PTPRD: variants seen among roughly 807,000 people sequenced by gnomAD.
The protein encoded by PTPRD is protein tyrosine phosphatase receptor type D.
Under a neutral mutation model 214.5 loss-of-function variants are expected in PTPRD, and 34 were observed. The observed-to-expected ratio is 0.16, with a 90% CI of 0.12 to 0.21. The LOEUF (loss-of-function observed/expected upper bound fraction) is 0.21. Ranked by LOEUF, PTPRD falls within the 10% of genes least tolerant of loss-of-function variation. The pLI is 1.00. For synonymous variants in PTPRD, 1,128 were observed against 845.7 expected, an observed-to-expected ratio of 1.33 and a Z score of -5.79; for missense variants, 2,545 against 2,398.7, an observed-to-expected ratio of 1.06 and a Z score of -1.27.
chr9:10,068,299 C>T (rs2097920704), intron 3 of PTPRD, among the ~76,000 whole-genome samples: 1 of 151,792 alleles, frequency 6.6e-6, no homozygotes, highest in African/African-American at 2.4e-5. Flanking sequence ...GGAACTTGGC[C>T]TTTTCATCAT....
rs144807160 is a variant in PTPRD, at chr9:9,332,031, C to T, written c.-203+65418G>A. Reference sequence around the variant, plus strand: ...GCTATGCTAATTACATATTTGTTCCCTCTCTGCGGAGTCTGCATGGACAGC... The same window carrying T: ...GCTATGCTAATTACATATTTGTTCCTTCTCTGCGGAGTCTGCATGGACAGC... On this transcript the variant is annotated intron_variant, in intron 9 of 45. Transcript: ENST00000381196. Among the ~76,000 whole-genome samples, 697 of 152,126 alleles carry T rather than the reference C, an allele frequency of 4.6e-3. 11 individuals are homozygous for T. The highest frequency in any genetic ancestry group is 0.016 in the African/African-American group (673 of 41,524).
intron 12 of PTPRD, among the ~76,000 whole-genome samples, chr9:8,695,959 C>A (rs2097902830): frequency 6.6e-6 from 1 of 152,182 alleles, no homozygotes; most frequent in Admixed American, 6.5e-5. Flanking sequence ...AAACCAAAAT[C>A]TAGATCAAAA....
intron 28 of PTPRD, 147 bp downstream of exon 28, chr9:8,485,615 C>A: frequency 1.4e-6 from 1 of 738,656 alleles, no homozygotes; most frequent in Non-Finnish European, 2.2e-6. Context: ...GCATCCAAGA[C>A]GTAGTAAGTT....
chr9:8,392,282 T>G (rs1262274341), intron 36 of PTPRD, among the ~76,000 whole-genome samples: 1 of 151,956 alleles, frequency 6.6e-6, no homozygotes, highest in Non-Finnish European at 1.5e-5. Context: ...TCCGACACTT[T>G]GGGGAGGCTG....
At chr9:9,653,027 T>A (rs529032989) in intron 7 of PTPRD, among the ~76,000 whole-genome samples, 1 of 152,116 alleles carries the variant, frequency 6.6e-6, no homozygotes, top group Non-Finnish European at 1.5e-5. Flanking sequence ...CCCCTATTTT[T>A]CCTTCAAATA....
At chr9:9,132,046 T>A (rs539217110) in intron 10 of PTPRD, among the ~76,000 whole-genome samples, 1 of 150,746 alleles carries the variant, frequency 6.6e-6, no homozygotes, top group East Asian at 1.9e-4. Context: ...CTGTCTCTGT[T>A]GCCCAGGCTG....
chr9:9,203,197 C>A (rs1425055286), intron 9 of PTPRD, among the ~76,000 whole-genome samples: 1 of 151,830 alleles, frequency 6.6e-6, no homozygotes, highest in Non-Finnish European at 1.5e-5. Context: ...ACCATTATAC[C>A]CCAGCCTGAG....
intron 3 of PTPRD, among the ~76,000 whole-genome samples, chr9:10,289,407 G>A (rs2095464260): frequency 6.6e-6 from 1 of 152,132 alleles, no homozygotes. Context: ...GGGGAGCACA[G>A]AGGAAAACCC....
At chr9:9,536,272 C>T (rs1187929007) in intron 8 of PTPRD, among the ~76,000 whole-genome samples, 1 of 151,978 alleles carries the variant, frequency 6.6e-6, no homozygotes, top group African/African-American at 2.4e-5. Flanking sequence ...TACCTCAGTG[C>T]TTGGCTAAAG....
At chr9:10,453,795 G>A (rs530474424) in intron 2 of PTPRD, among the ~76,000 whole-genome samples, 3 of 151,014 alleles carry the variant, frequency 2.0e-5, no homozygotes, top group African/African-American at 7.3e-5. Context: ...TTTTATTTTT[G>A]TTCTTGCCTA....
At chr9:10,325,385 TG>T (rs1032668682) in intron 3 of PTPRD, among the ~76,000 whole-genome samples, 5 of 151,998 alleles carry the variant, frequency 3.3e-5, no homozygotes, top group African/African-American at 1.2e-4. Flanking sequence ...TTTTGTTTTT[TG>T]GGGAAGATGA....
intron 4 of PTPRD, among the ~76,000 whole-genome samples, chr9:10,017,740 T>A (rs2096752087): frequency 6.6e-6 from 1 of 152,150 alleles, no homozygotes; most frequent in African/African-American, 2.4e-5. Flanking sequence ...ATTTCTGTAT[T>A]ACTAAACCAA....
intron 3 of PTPRD, among the ~76,000 whole-genome samples, chr9:10,261,557 G>C (rs990205948): frequency 2.0e-5 from 3 of 152,064 alleles, no homozygotes; most frequent in South Asian, 2.1e-4. Context: ...CATATGTATA[G>C]AGAGAGTTGG....
chr9:9,773,641 A>G (rs1181426909), intron 5 of PTPRD, among the ~76,000 whole-genome samples: 1 of 152,224 alleles, frequency 6.6e-6, no homozygotes, highest in Non-Finnish European at 1.5e-5. Context: ...TTGTTGTACC[A>G]TGATCTCCAA....
intron 4 of PTPRD, among the ~76,000 whole-genome samples, chr9:9,994,793 A>T (rs935798971): frequency 6.6e-6 from 1 of 152,120 alleles, no homozygotes; most frequent in Admixed American, 6.5e-5. Flanking sequence ...GGCAAACAAT[A>T]ACTTTTTGTT....
At chr9:8,720,199 A>G (rs1329359457) in intron 12 of PTPRD, among the ~76,000 whole-genome samples, 1 of 152,184 alleles carries the variant, frequency 6.6e-6, no homozygotes, top group Non-Finnish European at 1.5e-5. Context: ...TCTTATATCT[A>G]GCTCCTCACC....
intron 10 of PTPRD, among the ~76,000 whole-genome samples, chr9:9,122,155 T>A (rs1297700852): frequency 6.6e-6 from 1 of 152,150 alleles, no homozygotes; most frequent in African/African-American, 2.4e-5. Context: ...GATATCTGGT[T>A]TCCTGAGATC....
intron 8 of PTPRD, among the ~76,000 whole-genome samples, chr9:9,479,040 A>G (rs2095263493): frequency 6.6e-6 from 1 of 152,136 alleles, no homozygotes; most frequent in South Asian, 2.1e-4. Context: ...ATAATCACAC[A>G]ATGGTTCATA....
At chr9:10,401,557 T>C (rs2098269775) in intron 2 of PTPRD, among the ~76,000 whole-genome samples, 1 of 150,246 alleles carries the variant, frequency 6.7e-6, no homozygotes, top group African/African-American at 2.4e-5. Flanking sequence ...TAACAGTATA[T>C]CTATAGTATT....
Sources: allele counts gnomAD v4.1 joint callset (sites outside exome capture counted in the v4.1 genomes callset), GRCh38; gene constraint gnomAD v4.1.1; transcripts MANE v1.5; gene names NCBI Gene and HGNC (gene_info 2026-07-23, HGNC 2026-07-21).